TNR: variants seen among roughly 807,000 people sequenced by gnomAD.
TNR encodes the protein tenascin R, also known as tenascin-R.
In TNR, 45 loss-of-function variants were observed where a neutral mutation model predicts 150.4. The observed-to-expected ratio is 0.30, with a 90% CI of 0.24 to 0.38. TNR has a LOEUF of 0.38. Among genes scored for constraint, TNR ranks in the 10% least tolerant of loss-of-function variants. The pLI is 1.00. For synonymous variants in TNR, 687 were observed against 678.4 expected, an observed-to-expected ratio of 1.01 and a Z score of -0.20; for missense variants, 1,544 against 1,759.1, an observed-to-expected ratio of 0.88 and a Z score of 2.19.
chr1:175,695,748 T>A (rs985508166), intron 1 of TNR, among the ~76,000 whole-genome samples: 1 of 152,224 alleles, frequency 6.6e-6, no homozygotes, highest in African/African-American at 2.4e-5. Flanking sequence ...TAATATGTTT[T>A]ATTAAACCAT....
chr1:175,587,857 G>A (rs1020423260), intron 1 of TNR, among the ~76,000 whole-genome samples: 2 of 152,204 alleles, frequency 1.3e-5, no homozygotes, highest in African/African-American at 4.8e-5. Context: ...GCCTGTGCAG[G>A]TTGTTGCATT....
At chr1:175,514,921 G>A (rs1229791372) in intron 2 of TNR, among the ~76,000 whole-genome samples, 1 of 152,170 alleles carries the variant, frequency 6.6e-6, no homozygotes, top group African/African-American at 2.4e-5. Context: ...GTGGTTTCCT[G>A]CTGCAGGGAA....
At chr1:175,464,244 C>T (rs1009811032) in intron 2 of TNR, among the ~76,000 whole-genome samples, 3 of 152,226 alleles carry the variant, frequency 2.0e-5, no homozygotes, top group African/African-American at 7.2e-5. Context: ...AGGGGCAAAT[C>T]CATTTTCCCC....
Position 175,366,419 on chromosome 1 carries a change from C to T in TNR, c.2054-281G>A, listed in dbSNP as rs937641758. 3.9e-5 allele frequency among the ~76,000 whole-genome samples: 6 copies of T among 152,320 alleles called. No individual in the cohort carries two copies. In the South Asian group the frequency reaches 1.0e-3, roughly 26 times the overall value. On this transcript the variant is annotated intron_variant, in intron 10 of 22. Coordinates refer to ENST00000367674, the MANE Select transcript of TNR (RefSeq NM_003285.3). ...AAAGCTGGCTGCTGATTTTCAAGCT[C>T]GCCATATTCATTTTCTCCCATCCTT...
intron 6 of TNR, among the ~76,000 whole-genome samples, chr1:175,393,552 T>C (rs1475097713): frequency 6.6e-6 from 1 of 152,214 alleles, no homozygotes; most frequent in East Asian, 1.9e-4. Flanking sequence ...CATCCTCTGT[T>C]CTGCAAGGCC....
chr1:175,605,395 C>T (rs943420856), intron 1 of TNR, among the ~76,000 whole-genome samples: 5 of 152,162 alleles, frequency 3.3e-5, no homozygotes, highest in African/African-American at 1.2e-4. Context: ...AAACTGCCAG[C>T]GCATGTATAC....
chr1:175,384,127 G>A (rs923683052), intron 8 of TNR, among the ~76,000 whole-genome samples: 3 of 152,084 alleles, frequency 2.0e-5, no homozygotes, highest in Non-Finnish European at 4.4e-5. Context: ...CCTTTTTGCC[G>A]CTTCAAACTT....
At chr1:175,417,876 C>CCATTCGTT (rs1470846516) in intron 2 of TNR, among the ~76,000 whole-genome samples, 2 of 152,062 alleles carry the variant, frequency 1.3e-5, no homozygotes, top group Non-Finnish European at 2.9e-5. Flanking sequence ...TATTGGATAG[C>CCATTCGTT]CATTCGTTTC....
At chr1:175,456,816 A>G (rs558515133) in intron 2 of TNR, among the ~76,000 whole-genome samples, 1 of 152,314 alleles carries the variant, frequency 6.6e-6, no homozygotes, top group East Asian at 1.9e-4. Flanking sequence ...GCTCTATTAT[A>G]TCTTAAAAAA....
chr1:175,534,200 G>T (rs1284070919), intron 1 of TNR, among the ~76,000 whole-genome samples: 1 of 152,234 alleles, frequency 6.6e-6, no homozygotes. Flanking sequence ...GACTCACAGG[G>T]TTGGGTGTCC....
intron 1 of TNR, among the ~76,000 whole-genome samples, chr1:175,668,771 A>C (rs949833029): frequency 1.3e-5 from 2 of 152,234 alleles, no homozygotes; most frequent in Non-Finnish European, 2.9e-5. Context: ...CCTTCCTCTT[A>C]AAATTGAACA....
chr1:175,710,305 G>A (rs1454451190), intron 1 of TNR, among the ~76,000 whole-genome samples: 1 of 152,110 alleles, frequency 6.6e-6, no homozygotes, highest in Non-Finnish European at 1.5e-5. Flanking sequence ...CCTAGCTCCT[G>A]GCTGGACAGT....
At chr1:175,503,747 A>G (rs1050934362) in intron 2 of TNR, among the ~76,000 whole-genome samples, 2 of 152,204 alleles carry the variant, frequency 1.3e-5, no homozygotes, top group Non-Finnish European at 2.9e-5. Context: ...CAATTTGCAG[A>G]GAGTAAATTA....
intron 1 of TNR, among the ~76,000 whole-genome samples, chr1:175,623,491 C>G (rs757736380): frequency 6.6e-6 from 1 of 152,188 alleles, no homozygotes; most frequent in Non-Finnish European, 1.5e-5. Flanking sequence ...AGGACTATTG[C>G]CTGCAGGTGA....
chr1:175,607,150 A>G (rs1028773905), intron 1 of TNR, among the ~76,000 whole-genome samples: 26 of 152,086 alleles, frequency 1.7e-4, no homozygotes, highest in African/African-American at 6.3e-4. Flanking sequence ...TTCTTTCTTT[A>G]TCTCCAGTGT....
intron 1 of TNR, among the ~76,000 whole-genome samples, chr1:175,702,389 A>G (rs1157021487): frequency 6.6e-6 from 1 of 152,192 alleles, no homozygotes; most frequent in Non-Finnish European, 1.5e-5. Context: ...AAAGAAAGAG[A>G]GTCCCAGAAA....
At chr1:175,531,666 C>A (rs1177923251) in intron 1 of TNR, among the ~76,000 whole-genome samples, 1 of 152,246 alleles carries the variant, frequency 6.6e-6, no homozygotes, top group Admixed American at 6.5e-5. Context: ...GTCCACGCTG[C>A]AACCTACTCA....
chr1:175,481,316 G>A (rs1427050742), intron 2 of TNR, among the ~76,000 whole-genome samples: 1 of 152,158 alleles, frequency 6.6e-6, no homozygotes, highest in Admixed American at 6.5e-5. Context: ...GTCGGTAGAG[G>A]CCACTGTTAA....
At chr1:175,667,804 C>T (rs1665575238) in intron 1 of TNR, among the ~76,000 whole-genome samples, 1 of 152,194 alleles carries the variant, frequency 6.6e-6, no homozygotes, top group African/African-American at 2.4e-5. Flanking sequence ...TGGTCAGATA[C>T]ACTTTTCTTG....
Sources: gnomAD v4.1 joint callset for allele counts (sites outside exome capture counted in the v4.1 genomes callset) on GRCh38, gnomAD v4.1.1 for gene constraint, MANE v1.5 for transcripts, NCBI Gene and HGNC (gene_info 2026-07-23, HGNC 2026-07-21) for gene names.